The following TTLL11 variants were observed in gnomAD, a reference collection of about 807,000 sequenced individuals.
TTLL11 encodes tubulin tyrosine ligase like 11, also known as tubulin polyglutamylase TTLL11.
A neutral mutation model predicts 51.7 loss-of-function variants in TTLL11; 42 were observed. The ratio of observed to expected loss-of-function variants is 0.81; its 90% confidence interval spans 0.64 to 1.05. The LOEUF (loss-of-function observed/expected upper bound fraction) is 1.05, where lower values mean the gene tolerates loss of function less well. Among genes scored for constraint, TTLL11 ranks in the 50% least tolerant of loss-of-function variants. TTLL11 has a pLI of 0.00. For synonymous variants in TTLL11, 381 were observed against 383.5 expected (o/e 0.99, Z 0.08); for missense variants, 799 against 940.4 (o/e 0.85, Z 1.97).
In TTLL11 at chr9:121,974,078, T is replaced by C; in HGVS notation, c.1412A>G (p.Glu471Gly). The C allele has an allele frequency of 6.4e-7, 1 of 1,551,714 alleles. No homozygotes were observed. The highest frequency in any genetic ancestry group is 2.4e-5 in the East Asian group (1 of 40,910). ...FENVPSLVDE[E>G]VKVAVIRDTL... is the part of the protein sequence containing the mutation. Reference sequence around the variant, plus strand: ...GTCTCTGATCACAGCCACTTTCACTTCTTCATCAACGAGGCTGGGGACATT... The same window carrying C: ...GTCTCTGATCACAGCCACTTTCACTCCTTCATCAACGAGGCTGGGGACATT... Residue 471 changes from glutamate (E) to glycine (G), a missense_variant, in exon 6 of 9, where the codon GAA becomes GGA. By Grantham distance (98) the Glu-to-Gly change is moderately conservative (BLOSUM62 -2). Around this residue, in one of 3 missense-constraint regions of TTLL11, gnomAD observed 468 missense variants for 612.8 expected, o/e 0.76. Transcript: ENST00000321582.
chr9:122,039,238 A>C (rs779807895), intron 2 of TTLL11, 34 bp downstream of exon 2: 1 of 1,572,420 alleles, frequency 6.4e-7, no homozygotes, highest in Non-Finnish European at 8.7e-7. Context: ...TGGCCCTAGA[A>C]ACATGTTTAA....
At chr9:121,897,125 G>A (rs1839555001) in intron 6 of TTLL11, among the ~76,000 whole-genome samples, 1 of 152,188 alleles carries the variant, frequency 6.6e-6, no homozygotes, top group South Asian at 2.1e-4. Context: ...TCAAAAGGGG[G>A]ACCTTTGTGA....
At chr9:121,960,547 G>C (rs939463338) in intron 6 of TTLL11, among the ~76,000 whole-genome samples, 2 of 152,026 alleles carry the variant, frequency 1.3e-5, no homozygotes, top group African/African-American at 4.8e-5. Flanking sequence ...GGCTCACCTG[G>C]CTGTTGGTGC....
intron 3 of TTLL11, among the ~76,000 whole-genome samples, chr9:122,022,052 G>A (rs1444094219): frequency 1.3e-5 from 2 of 152,164 alleles, no homozygotes; most frequent in African/African-American, 4.8e-5. Flanking sequence ...TGAAAAAAAT[G>A]AGTGAATGTG....
chr9:122,042,674 G>A (rs1420023818), intron 1 of TTLL11, among the ~76,000 whole-genome samples: 2 of 152,220 alleles, frequency 1.3e-5, no homozygotes, highest in African/African-American at 4.8e-5. Context: ...AAGCAGCTGA[G>A]ATGTCCTTCA....
At chr9:121,957,983 T>G (rs73662541) in intron 6 of TTLL11, among the ~76,000 whole-genome samples, 11,746 of 152,222 alleles carry the variant, frequency 0.077, 682 homozygotes, top group African/African-American at 0.16. Context: ...CAGCCTGCCA[T>G]GAAAATTAAG....
chr9:122,044,369 TACCCAGTA>T (rs1411063570), intron 1 of TTLL11, among the ~76,000 whole-genome samples: 1 of 152,190 alleles, frequency 6.6e-6, no homozygotes, highest in African/African-American at 2.4e-5. Context: ...TTTGGGTATA[TACCCAGTA>T]ATGGGATGGC....
chr9:122,036,233 GA>G (rs1462774282), intron 2 of TTLL11, among the ~76,000 whole-genome samples: 2 of 151,894 alleles, frequency 1.3e-5, no homozygotes, highest in Non-Finnish European at 2.9e-5. Context: ...ATGCTTGACA[GA>G]TGGCTGTCCC....
Position 121,892,052 on chromosome 9 carries a change from A to AT in TTLL11, c.1482-21305_1482-21304insA, listed in dbSNP as rs562904151. Among the ~76,000 whole-genome samples the AT allele has an allele frequency of 5.5e-5, 8 of 145,698 alleles. No homozygotes were observed. The South Asian group carries it at 6.4e-4, about 12-fold the overall frequency. ...TTTTATATATAAATATATATTAAAAAATATAAAAAATATATAAACTATATA... is the reference window on the plus strand; with the variant it reads ...TTTTATATATAAATATATATTAAAAATATATAAAAAATATATAAACTATATA... On this transcript the variant is annotated intron_variant, in intron 6 of 8. Coordinates refer to ENST00000321582, the MANE Select transcript of TTLL11 (RefSeq NM_001139442.2).
chr9:121,865,983 T>C (rs373078383), intron 7 of TTLL11, among the ~76,000 whole-genome samples: 5 of 152,152 alleles, frequency 3.3e-5, no homozygotes, highest in African/African-American at 1.2e-4. Flanking sequence ...TCAATTGGAG[T>C]GTTTATTATT....
intron 3 of TTLL11, among the ~76,000 whole-genome samples, chr9:122,019,411 CCTT>C (rs1420324836): frequency 2.0e-5 from 3 of 152,192 alleles, no homozygotes; most frequent in African/African-American, 7.2e-5. Flanking sequence ...TCTACCCTCT[CCTT>C]CTCAAATCTC....
At chr9:121,893,170 A>G (rs937305153) in intron 6 of TTLL11, among the ~76,000 whole-genome samples, 2 of 152,198 alleles carry the variant, frequency 1.3e-5, no homozygotes, top group African/African-American at 4.8e-5. Flanking sequence ...CTATTTTCCT[A>G]ATTATAAAGT....
chr9:121,912,490 T>G (rs1482946746), intron 6 of TTLL11, among the ~76,000 whole-genome samples: 1 of 151,260 alleles, frequency 6.6e-6, no homozygotes, highest in South Asian at 2.1e-4. Flanking sequence ...AATGCCCCTC[T>G]CTGCCCCACA....
intron 6 of TTLL11, among the ~76,000 whole-genome samples, chr9:121,906,349 A>C (rs1564298890): frequency 2.4e-5 from 1 of 41,238 alleles, no homozygotes; most frequent in Non-Finnish European, 1.6e-4. Flanking sequence ...ATTTTTAAAA[A>C]AAAAAAAATC....
At chr9:122,000,952 T>C (rs1417939860) in intron 3 of TTLL11, among the ~76,000 whole-genome samples, 1 of 152,262 alleles carries the variant, frequency 6.6e-6, no homozygotes, top group African/African-American at 2.4e-5. Context: ...TGGGCACCTA[T>C]AAGGTGCCTT....
intron 7 of TTLL11, among the ~76,000 whole-genome samples, chr9:121,869,918 T>C (rs1444983723): frequency 6.6e-6 from 1 of 152,246 alleles, no homozygotes; most frequent in Non-Finnish European, 1.5e-5. Flanking sequence ...AAGCGGCAAC[T>C]GCTAACTTTG....
chr9:121,908,572 A>T (rs1205322842), intron 6 of TTLL11, among the ~76,000 whole-genome samples: 11 of 152,270 alleles, frequency 7.2e-5, no homozygotes, highest in Admixed American at 7.2e-4. Flanking sequence ...AAAATATTCA[A>T]GTAACTAATA....
At chr9:122,041,454 G>A (rs1844843670) in intron 1 of TTLL11, among the ~76,000 whole-genome samples, 1 of 152,118 alleles carries the variant, frequency 6.6e-6, no homozygotes, top group Non-Finnish European at 1.5e-5. Context: ...GATATAGAAG[G>A]TGTCCACATT....
rs554504436 is a variant in TTLL11, at chr9:121,986,255, A to T, written c.1269+2940T>A. ...GATGGCTGCCCCATGTGGCCTGTCC[A>T]TAGCAAGACATGCAGCAAAACAACC... is the stretch of plus-strand genomic sequence containing the variant. On this transcript the variant is annotated intron_variant, in intron 4 of 8. Coordinates refer to ENST00000321582, the MANE Select transcript of TTLL11 (RefSeq NM_001139442.2). Among the ~76,000 whole-genome samples, 4 of 152,248 alleles carry T rather than the reference A, an allele frequency of 2.6e-5. No homozygotes were observed. In the East Asian group the frequency reaches 7.7e-4, roughly 29 times the overall value.
Sources: allele counts gnomAD v4.1 joint callset (sites outside exome capture counted in the v4.1 genomes callset), GRCh38; gene constraint gnomAD v4.1.1; regional missense constraint gnomAD v4.1.1; transcripts MANE v1.5; gene names NCBI Gene and HGNC (gene_info 2026-07-23, HGNC 2026-07-21).